CTTNBP2: variants seen among roughly 807,000 people sequenced by gnomAD.
CTTNBP2 encodes the protein cortactin-binding protein 2.
In CTTNBP2, 108 loss-of-function variants were observed where a neutral mutation model predicts 156.9. That is an observed-to-expected ratio of 0.69 (90% CI 0.59 to 0.81). The LOEUF (loss-of-function observed/expected upper bound fraction) is 0.81. Ranked by LOEUF, CTTNBP2 falls within the 30% of genes least tolerant of loss-of-function variation. The pLI, the probability that CTTNBP2 is intolerant of heterozygous loss-of-function variation, is 0.00. For synonymous variants in CTTNBP2, 767 were observed against 751.8 expected, an observed-to-expected ratio of 1.02 and a Z score of -0.33; for missense variants, 1,924 against 2,035.4, an observed-to-expected ratio of 0.95 and a Z score of 1.05.
chr7:117,864,797 C>T (rs922730759), intron 1 of CTTNBP2, among the ~76,000 whole-genome samples: 8 of 80,036 alleles, frequency 1.0e-4, no homozygotes, highest in Non-Finnish European at 2.0e-4. Context: ...TATATTCATT[C>T]TATATTCATA....
chr7:117,841,545 G>A (rs532556673), intron 2 of CTTNBP2, among the ~76,000 whole-genome samples: 1 of 152,228 alleles, frequency 6.6e-6, no homozygotes, highest in South Asian at 2.1e-4. Flanking sequence ...GTTAATGAAA[G>A]TACAACATCC....
intron 19 of CTTNBP2, among the ~76,000 whole-genome samples, chr7:117,724,287 TAATA>T (rs985973109): frequency 6.6e-5 from 10 of 152,128 alleles, no homozygotes; most frequent in Admixed American, 2.6e-4. Context: ...AGAAACAAAA[TAATA>T]AATAAATGAC....
chr7:117,847,819 C>CTTTTT lies in CTTNBP2; in HGVS notation c.189+13385_189+13389dup, dbSNP rs201419286. 2.7e-3 allele frequency among the ~76,000 whole-genome samples: 251 copies of CTTTTT among 91,296 alleles called. 24 individuals carry two copies. The highest frequency in any genetic ancestry group is 6.6e-3 in the Admixed American group (57 of 8,618). 59.9% of individuals were successfully genotyped at this position (91,296 alleles called of 152,430 possible). On this transcript the variant is annotated intron_variant, in intron 2 of 22. Transcript: ENST00000160373. ...TTTTTATAGATCTTCTTTGCCTAAC[C>CTTTTT]TTTTTTTTTTTTTTTTTTTTTTTTT...
chr7:117,827,285 T>G (rs1005821851), intron 2 of CTTNBP2, among the ~76,000 whole-genome samples: 4 of 151,810 alleles, frequency 2.6e-5, no homozygotes, highest in Admixed American at 2.6e-4. Flanking sequence ...ATACTGGGAG[T>G]GGGGGCTGGT....
chr7:117,743,241 A>C (rs1796112238), intron 14 of CTTNBP2, among the ~76,000 whole-genome samples: 2 of 152,234 alleles, frequency 1.3e-5, no homozygotes, highest in Admixed American at 6.5e-5. Flanking sequence ...TATAATTGCT[A>C]TCTACCCCCA....
rs34868515 is a variant in CTTNBP2 at position 117,810,756 on chromosome 7, C to T, written c.414+9G>A. ...TGTGGGGAAAATGACCATTTGAACG[C>T]CTCAATACCTTCTTTTGTCTGCTCT... On this transcript the variant is annotated intron_variant, in intron 3 of 22. Transcript: ENST00000160373. The T allele has an allele frequency of 4.0e-3, 6,490 of 1,611,032 alleles. 248 individuals are homozygous for T. The African/African-American group carries it at 0.076, about 19-fold the overall frequency.
chr7:117,818,295 A>C (rs1173100150), intron 2 of CTTNBP2, among the ~76,000 whole-genome samples: 1 of 152,206 alleles, frequency 6.6e-6, no homozygotes, highest in African/African-American at 2.4e-5. Context: ...AAAAAAAACC[A>C]AAAACCAGCA....
At chr7:117,806,744 A>ATTTTTTTTTTTTTTTTTTTT (rs3059529) in intron 3 of CTTNBP2, among the ~76,000 whole-genome samples, 2 of 119,226 alleles carry the variant, frequency 1.7e-5, no homozygotes, top group Non-Finnish European at 1.7e-5. Flanking sequence ...TCTTTTTCTC[A>ATTTTTTTTTTTTTTTTTTTT]TTTTTTTTTT....
intron 16 of CTTNBP2, among the ~76,000 whole-genome samples, chr7:117,732,915 A>G (rs1473336004): frequency 1.3e-5 from 2 of 152,170 alleles, no homozygotes; most frequent in Non-Finnish European, 2.9e-5. Flanking sequence ...CTTCTCTTCA[A>G]AAGAGGAATG....
rs1563070245 is a variant in CTTNBP2, at chr7:117,854,775, A to ATTTATTT, written c.189+6433_189+6434insAAATAAA. 2.8e-3 allele frequency among the ~76,000 whole-genome samples: 430 copies of ATTTATTT among 151,650 alleles called. 2 individuals carry two copies. The highest frequency in any genetic ancestry group is 1.0e-2 in the African/African-American group (412 of 41,328). ...TTTAGCAAAAATAGATGATTTAATT[A>ATTTATTT]ATTAATTAATTTATTTATTTATTTT... On this transcript the variant is annotated intron_variant, in intron 2 of 22. Transcript: ENST00000160373.
At chr7:117,719,702 C>T in intron 20 of CTTNBP2, 66 bp from the exon 21 acceptor site, 1 of 1,393,298 alleles carries the variant, frequency 7.2e-7, no homozygotes, top group African/African-American at 1.4e-5. Context: ...AATCTAGACA[C>T]TGTACCTTTT....
intron 14 of CTTNBP2, among the ~76,000 whole-genome samples, chr7:117,735,842 T>A (rs922128964): frequency 2.6e-5 from 4 of 152,200 alleles, no homozygotes; most frequent in Non-Finnish European, 5.9e-5. Flanking sequence ...CAGGCAACAC[T>A]AAATCTATAA....
intron 2 of CTTNBP2, among the ~76,000 whole-genome samples, chr7:117,859,117 C>G (rs968149885): frequency 6.6e-6 from 1 of 152,070 alleles, no homozygotes; most frequent in Non-Finnish European, 1.5e-5. Flanking sequence ...TTTAACAGAA[C>G]CTACTTATAC....
At chr7:117,814,407 A>C (rs1800459232) in intron 2 of CTTNBP2, among the ~76,000 whole-genome samples, 3 of 152,154 alleles carry the variant, frequency 2.0e-5, no homozygotes, top group Admixed American at 6.6e-5. Flanking sequence ...ATACATGTAC[A>C]GGTTCATAAA....
chr7:117,718,572 A>AT (rs1270928180), intron 21 of CTTNBP2, among the ~76,000 whole-genome samples: 4 of 152,220 alleles, frequency 2.6e-5, no homozygotes, highest in African/African-American at 4.8e-5. Context: ...ACAGCCACTC[A>AT]TAAGGCATCT....
At chr7:117,873,249 T>C in intron 1 of CTTNBP2, 86 bp downstream of exon 1, 1 of 1,047,430 alleles carries the variant, frequency 9.5e-7, no homozygotes, top group Non-Finnish European at 1.2e-6. Context: ...GCCCCGGGGG[T>C]GCGAAGTCGG....
chr7:117,832,099 C>T (rs1801646295), intron 2 of CTTNBP2, among the ~76,000 whole-genome samples: 1 of 152,136 alleles, frequency 6.6e-6, no homozygotes, highest in African/African-American at 2.4e-5. Flanking sequence ...CTTTTACCTC[C>T]CACATTCCAT....
At chr7:117,726,197 G>T (rs1795088424) in intron 17 of CTTNBP2, among the ~76,000 whole-genome samples, 1 of 152,186 alleles carries the variant, frequency 6.6e-6, no homozygotes, top group Non-Finnish European at 1.5e-5. Context: ...ATTATGCTTT[G>T]TTGCAGTATT....
In CTTNBP2 at chr7:117,792,889, G is replaced by A. The variant is rs571254384; in HGVS notation, c.415-108C>T. The A allele has an allele frequency of 3.6e-5, 28 of 774,328 alleles. No homozygotes were observed. The highest frequency in any genetic ancestry group is 1.8e-4 in the East Asian group (6 of 33,380). The allele number at this position is 774,328 out of a possible 1,614,324, so 48.0% of individuals were successfully genotyped here. A position where few individuals can be genotyped will look rare whatever the true frequency, so the allele number is the denominator to read the frequency against. On this transcript the variant is annotated intron_variant, in intron 3 of 22. Coordinates refer to ENST00000160373, the MANE Select transcript of CTTNBP2 (RefSeq NM_033427.3). The surrounding 1 kb of genome is among the most constrained non-coding windows in gnomAD (Gnocchi z 4.2). ...TAATTTTCTAACAATTACATAACTC[G>A]GGTTAGCAAAAACGCCACATTTTCA...
Sources: allele counts gnomAD v4.1 joint callset (sites outside exome capture counted in the v4.1 genomes callset), GRCh38; gene constraint gnomAD v4.1.1; non-coding constraint Gnocchi (gnomAD v3.1); transcripts MANE v1.5; gene names NCBI Gene and HGNC (gene_info 2026-07-23, HGNC 2026-07-21).